ERCC6L2: variants seen among roughly 807,000 people sequenced by gnomAD.
The protein encoded by ERCC6L2 is DNA excision repair protein ERCC-6-like 2.
A neutral mutation model predicts 132.0 loss-of-function variants in ERCC6L2; 77 were observed. That is an observed-to-expected ratio of 0.58 (90% CI 0.49 to 0.71). ERCC6L2 has a LOEUF of 0.71. Among genes scored for constraint, ERCC6L2 ranks in the 30% least tolerant of loss-of-function variants. ERCC6L2 has a pLI of 0.00. For missense variants in ERCC6L2, 1,542 were observed against 1,837.6 expected, an observed-to-expected ratio of 0.84 and a Z score of 2.94; for synonymous variants, 583 against 632.4, an observed-to-expected ratio of 0.92 and a Z score of 1.17.
intron 17 of ERCC6L2, among the ~76,000 whole-genome samples, chr9:96,000,861 G>A (rs371460927): frequency 7.2e-5 from 11 of 152,182 alleles, no homozygotes; most frequent in East Asian, 1.9e-4. Context: ...TAGTGTGTCC[G>A]GAATTGGTGG....
At chr9:95,886,547 T>G (rs1392762978) in intron 2 of ERCC6L2, among the ~76,000 whole-genome samples, 1 of 152,202 alleles carries the variant, frequency 6.6e-6, no homozygotes, top group Non-Finnish European at 1.5e-5. Context: ...TTCTTTTGAC[T>G]TAATAATACA....
chr9:95,904,138 G>A (rs550732325), intron 3 of ERCC6L2, among the ~76,000 whole-genome samples: 34 of 151,988 alleles, frequency 2.2e-4, no homozygotes, highest in Admixed American at 2.0e-3. Flanking sequence ...AGGTTGTGGC[G>A]ATAAATACAA....
chr9:96,019,568 AC>A (rs1834248760), downstream of ERCC6L2, among the ~76,000 whole-genome samples: 1 of 152,042 alleles, frequency 6.6e-6, no homozygotes, highest in Non-Finnish European at 1.5e-5. Context: ...AGCCTCAATG[AC>A]CTGCCCACTG....
At chr9:95,931,455 C>T (rs556438978) in intron 11 of ERCC6L2, among the ~76,000 whole-genome samples, 1 of 152,206 alleles carries the variant, frequency 6.6e-6, no homozygotes, top group African/African-American at 2.4e-5. Flanking sequence ...TGTTTTTATT[C>T]TTGACTTGCC....
At position 95,953,298 on chromosome 9, in the gene ERCC6L2, C is replaced by T. The variant is rs972245226; in HGVS notation, c.1848-2616C>T. Among the ~76,000 whole-genome samples the T allele has an allele frequency of 8.5e-5, 13 of 152,102 alleles. 1 individual carries two copies. The highest frequency in any genetic ancestry group is 8.3e-4 in the South Asian group (4 of 4,804). ...TGCTATTTAGAAACAACAATGAGGC[C>T]GGTTGTGGTGGCTCACGCCTGTAAT... is the stretch of plus-strand genomic sequence containing the variant. On this transcript the variant is annotated intron_variant, in intron 12 of 18. Transcript: ENST00000653738.
intron 16 of ERCC6L2, among the ~76,000 whole-genome samples, chr9:95,975,470 T>TC (rs1300119608): frequency 7.5e-6 from 1 of 133,226 alleles, no homozygotes; most frequent in Admixed American, 7.4e-5. Flanking sequence ...TATTATATGT[T>TC]CTTTTTTTTT....
In ERCC6L2 at chr9:96,015,015, GTTTTTTTTTTT is replaced by G. The variant is rs767745101; in HGVS notation, c.*1827_*1837del. On this transcript the variant is annotated 3_prime_UTR_variant, in exon 19 of 19. Coordinates refer to ENST00000653738, the MANE Select transcript of ERCC6L2 (RefSeq NM_020207.7). ...GCTCTATAGTCTTCATATATGTACA[GTTTTTTTTTTT>G]TTTTTTTTTTTTTTGAGATTGAGTC... Among the ~76,000 whole-genome samples the G allele has an allele frequency of 3.1e-5, 2 of 65,426 alleles. No individual in the cohort carries two copies. Among genetic ancestry groups the G allele is most frequent in the African/African-American group, 1.3e-4 (2 of 15,894 alleles). 42.9% of individuals were successfully genotyped at this position (65,426 alleles called of 152,430 possible). A position where few individuals can be genotyped will look rare whatever the true frequency, so the allele number is the denominator to read the frequency against.
chr9:95,890,806 C>T (rs542694540), intron 2 of ERCC6L2, among the ~76,000 whole-genome samples: 1 of 152,100 alleles, frequency 6.6e-6, no homozygotes, highest in African/African-American at 2.4e-5. Context: ...GTAGCTGGGA[C>T]TACAGATGCG....
chr9:95,899,600 A>ATATATG (rs746946004), intron 3 of ERCC6L2, among the ~76,000 whole-genome samples: 176 of 134,886 alleles, frequency 1.3e-3, no homozygotes, highest in African/African-American at 4.6e-3. Context: ...TTATATATAT[A>ATATATG]TGTGTGTGTG....
At chr9:95,986,209 G>GT (rs1833088281) in intron 17 of ERCC6L2, among the ~76,000 whole-genome samples, 1 of 152,134 alleles carries the variant, frequency 6.6e-6, no homozygotes, top group Non-Finnish European at 1.5e-5. Context: ...ATGCTTTTGA[G>GT]TGCAGGCAAT....
At chr9:95,889,139 A>C (rs1410783) in intron 2 of ERCC6L2, among the ~76,000 whole-genome samples, 114,003 of 152,060 alleles carry the variant, frequency 0.75, 43,797 homozygotes, top group African/African-American at 0.92. Context: ...TAGCTGCCAC[A>C]TATGAAATAT....
intron 3 of ERCC6L2, among the ~76,000 whole-genome samples, chr9:95,901,469 A>G (rs1457868724): frequency 6.6e-6 from 1 of 152,178 alleles, no homozygotes; most frequent in Non-Finnish European, 1.5e-5. Context: ...TTCCTTCTTA[A>G]AATTACTTGG....
chr9:96,031,146 A>G (rs55989349), intron 19 of ERCC6L2, among the ~76,000 whole-genome samples: 9,853 of 152,228 alleles, frequency 0.065, 1,066 homozygotes, highest in African/African-American at 0.23. Context: ...TTCAGTGTTG[A>G]GATAGAGCAG....
In ERCC6L2 at chr9:95,978,203, T is replaced by C. The variant is rs150957564; in HGVS notation, c.3480T>C (p.Val1160=). The C allele has an allele frequency of 1.5e-4, 200 of 1,365,336 alleles. No homozygotes were observed. In the African/African-American group the frequency reaches 2.9e-3, roughly 20 times the overall value. 84.6% of individuals were successfully genotyped at this position (1,365,336 alleles called of 1,614,324 possible). A position where few individuals can be genotyped will look rare whatever the true frequency, so the allele number is the denominator to read the frequency against. The change falls in exon 17 of 19, where the codon GTT becomes GTC. Residue 1160 remains valine (V), a synonymous_variant. Transcript: ENST00000653738. ...CTCAGCTGCCTGCTAACATAGCTGT[T>C]TGCAGTTCTAAGGTAAGAAAAATAT... ...QFSQLPANIA[V]CSSKTYKEKV...
chr9:96,006,226 C>G (rs1833858450), intron 18 of ERCC6L2, among the ~76,000 whole-genome samples: 1 of 152,142 alleles, frequency 6.6e-6, no homozygotes, highest in African/African-American at 2.4e-5. Context: ...GAAAGAAGTC[C>G]CAGGACACAG....
chr9:95,963,053 TA>T (rs1831985264), intron 13 of ERCC6L2, among the ~76,000 whole-genome samples: 1 of 152,148 alleles, frequency 6.6e-6, no homozygotes, highest in Admixed American at 6.6e-5. Flanking sequence ...TTATACATTT[TA>T]AAAATATAAA....
rs769830016 is a variant in ERCC6L2 at position 96,012,246 on chromosome 9, C to G, written c.3696C>G (p.Ala1232=). 2 of 1,269,402 alleles carry G rather than the reference C, an allele frequency of 1.6e-6. No homozygotes were observed. Among genetic ancestry groups the G allele is most frequent in the Non-Finnish European group, 2.1e-6 (2 of 969,766 alleles). The allele number at this position is 1,269,402 out of a possible 1,614,324, so 78.6% of individuals were successfully genotyped here. Reference sequence around the variant, plus strand: ...TTAGAAAACAATTTGAAGAAATGGCCTCTTATTTTAACTCGTCTTCTGTAA... The same window carrying G: ...TTAGAAAACAATTTGAAGAAATGGCGTCTTATTTTAACTCGTCTTCTGTAA... ...GIRRKQFEEM[A]SYFNSSSVNE... Residue 1232 remains alanine, a synonymous_variant, in exon 19 of 19, where the codon GCC becomes GCG. Coordinates refer to ENST00000653738, the MANE Select transcript of ERCC6L2 (RefSeq NM_020207.7).
chr9:96,036,956 C>T (rs570177687), intron 19 of ERCC6L2, among the ~76,000 whole-genome samples: 3 of 150,882 alleles, frequency 2.0e-5, no homozygotes, highest in East Asian at 3.9e-4. Context: ...TTAGTAGAGA[C>T]GGGGTTTCAC....
chr9:95,958,298 A>G (rs1029431942), intron 13 of ERCC6L2, among the ~76,000 whole-genome samples: 3 of 151,868 alleles, frequency 2.0e-5, no homozygotes, highest in African/African-American at 7.3e-5. Flanking sequence ...GTTGGTTCCA[A>G]GTCTTTGCTA....
Sources: allele counts gnomAD v4.1 joint callset (sites outside exome capture counted in the v4.1 genomes callset), GRCh38; gene constraint gnomAD v4.1.1; transcripts MANE v1.5; gene names NCBI Gene and HGNC (gene_info 2026-07-23, HGNC 2026-07-21).